Variants in ITGA4 observed in about 807,000 individuals in gnomAD.
ITGA4 encodes integrin alpha-4.
ITGA4 carries 63 observed loss-of-function variants against 133.6 expected under a neutral mutation model. The ratio of observed to expected loss-of-function variants is 0.47; its 90% CI spans 0.38 to 0.58. ITGA4 has a LOEUF of 0.58. Ranked by LOEUF, ITGA4 falls within the 20% of genes least tolerant of loss-of-function variation. ITGA4 has a pLI of 0.00. For synonymous variants in ITGA4, 483 were observed against 438.0 expected (o/e 1.10, Z -1.28); for missense variants, 1,076 against 1,252.7 (o/e 0.86, Z 2.13).
chr2:181,532,633 T>C (rs1686967180), intron 25 of ITGA4, among the ~76,000 whole-genome samples: 1 of 152,184 alleles, frequency 6.6e-6, no homozygotes, highest in South Asian at 2.1e-4. Context: ...CTTATAAGCT[T>C]AAGGAGTTTT....
chr2:181,494,659 C>A, intron 11 of ITGA4, 63 bp from the exon 12 acceptor site: 2 of 847,782 alleles, frequency 2.4e-6, no homozygotes, highest in South Asian at 2.7e-5. Flanking sequence ...TTAGCTAAAT[C>A]ATTGCTTCTC....
In ITGA4 at chr2:181,537,823, G is replaced by A. The variant is rs1559064942; in HGVS notation, c.*2296G>A. ...ACTTTTAAAGCCCTAGAGGCTAATT[G>A]TTAGTAACATCAATTTCTATTAGGA... On this transcript the variant is annotated 3_prime_UTR_variant, in exon 28 of 28. Coordinates refer to ENST00000397033, the MANE Select transcript of ITGA4 (RefSeq NM_000885.6). 4.2e-6 allele frequency: 2 copies of A among 478,866 alleles called. No homozygotes were observed. The highest frequency in any genetic ancestry group is 8.2e-6 in the Non-Finnish European group (2 of 243,604). The allele number at this position is 478,866 out of a possible 1,614,324, so 29.7% of individuals were successfully genotyped here.
Position 181,531,763 on chromosome 2 carries a change from C to A in ITGA4, c.2771C>A (p.Ser924Tyr). The A allele has an allele frequency of 6.3e-7, 1 of 1,596,792 alleles. No individual in the cohort carries two copies. The highest frequency in any genetic ancestry group is 8.5e-7 in the Non-Finnish European group (1 of 1,173,884). ...CATATCCAACTGGAAGGCCGGCCAT[C>A]CATTTTAGAAATGGTAAGTAAGTCT... is the stretch of plus-strand genomic sequence containing the variant. ...SVHIQLEGRP[S>Y]ILEMDETSAL... is the part of the protein sequence containing the mutation. The change falls in exon 25 of 28, where the codon TCC becomes TAC. Residue 924 changes from serine (S) to tyrosine (Y), a missense_variant. By Grantham distance (144) the Ser-to-Tyr change is moderately radical (BLOSUM62 -2). This residue lies in a region of ITGA4 where 193 missense variants were observed against 172.3 expected (regional missense o/e 1.12). Coordinates refer to ENST00000397033, the MANE Select transcript of ITGA4 (RefSeq NM_000885.6).
At chr2:181,534,458 G>A in intron 26 of ITGA4, 88 bp downstream of exon 26, 1 of 837,422 alleles carries the variant, frequency 1.2e-6, no homozygotes. Context: ...GAGTAACTGA[G>A]TTGGGAAAGT....
At chr2:181,519,476 GGAA>G (rs937918427) in intron 17 of ITGA4, among the ~76,000 whole-genome samples, 6 of 151,838 alleles carry the variant, frequency 4.0e-5, no homozygotes, top group East Asian at 1.9e-4. Context: ...GAAAAAAAGA[GGAA>G]GAATTTTCTA....
intron 15 of ITGA4, among the ~76,000 whole-genome samples, chr2:181,507,932 GCTTA>G (rs756584519): frequency 3.4e-4 from 52 of 152,086 alleles, no homozygotes; most frequent in Non-Finnish European, 5.3e-4. Context: ...CTAGTGAAGT[GCTTA>G]CTTAATCGAA....
At chr2:181,472,826 G>A (rs577272594) in intron 2 of ITGA4, among the ~76,000 whole-genome samples, 22 of 151,044 alleles carry the variant, frequency 1.5e-4, no homozygotes, top group East Asian at 3.9e-4. Flanking sequence ...TTCTCTTTTC[G>A]TGTCATTTCT....
chr2:181,495,971 G>C lies in ITGA4; in HGVS notation c.1540+34G>C, dbSNP rs765417613. On this transcript the variant is annotated intron_variant, in intron 14 of 27. Coordinates refer to ENST00000397033, the MANE Select transcript of ITGA4 (RefSeq NM_000885.6). This position sits in a 1 kb window ranked among gnomAD's most constrained non-coding sequence, Gnocchi z 4.3. ...GCCCTACAATATTAATGCTTGATGG[G>C]GTGCGGTTCATTCATTAATCCCACA... is the stretch of plus-strand genomic sequence containing the variant. 1 of 1,600,564 alleles carries C rather than the reference G, an allele frequency of 6.2e-7. No individual in the cohort carries two copies. Among genetic ancestry groups the C allele is most frequent in the Non-Finnish European group, 8.5e-7 (1 of 1,171,958 alleles).
At chr2:181,494,366 G>T (rs1686117502) in intron 11 of ITGA4, among the ~76,000 whole-genome samples, 1 of 152,182 alleles carries the variant, frequency 6.6e-6, no homozygotes, top group Non-Finnish European at 1.5e-5. Flanking sequence ...CAGCTACTCA[G>T]GAGGCTGAGC....
intron 2 of ITGA4, among the ~76,000 whole-genome samples, chr2:181,467,901 G>A (rs1184095902): frequency 6.6e-6 from 1 of 152,154 alleles, no homozygotes; most frequent in African/African-American, 2.4e-5. Context: ...GCAATCCTCT[G>A]CTACTACTGT....
chr2:181,526,820 C>CTTTTTTTTTTTTTTT (rs1559056789), intron 21 of ITGA4, among the ~76,000 whole-genome samples: 1 of 27,852 alleles, frequency 3.6e-5, no homozygotes, highest in East Asian at 1.0e-3. Context: ...GAGCACATGG[C>CTTTTTTTTTTTTTTT]CTTTTTTTTT....
chr2:181,516,516 G>C lies in ITGA4; in HGVS notation c.1922+4741G>C, dbSNP rs145410720. 2.6e-5 allele frequency among the ~76,000 whole-genome samples: 4 copies of C among 152,060 alleles called. No homozygotes were observed. In the East Asian group the frequency reaches 7.8e-4, roughly 29 times the overall value. ...AAAGGGAAAAGAGCAAAAGTGCTTG[G>C]TCATCTTTAAGTTGCCCTTCCAGGA... is the stretch of plus-strand genomic sequence containing the variant. On this transcript the variant is annotated intron_variant, in intron 17 of 27. Transcript: ENST00000397033. This position sits in a 1 kb window ranked among gnomAD's most constrained non-coding sequence, Gnocchi z 4.0.
Position 181,523,382 on chromosome 2 carries a change from T to C in ITGA4, c.2074-55T>C. 2 of 1,039,856 alleles carry C rather than the reference T, an allele frequency of 1.9e-6. No homozygotes were observed. The highest frequency in any genetic ancestry group is 3.0e-6 in the Non-Finnish European group (2 of 660,864). 64.4% of individuals were successfully genotyped at this position (1,039,856 alleles called of 1,614,324 possible). A position where few individuals can be genotyped will look rare whatever the true frequency, so the allele number is the denominator to read the frequency against. The stretch of plus-strand genomic sequence containing the variant: ...TCAATAACCATCCTTAAACATATGT[T>C]ACAAACTTTTTATTTCCTTCCTGTC... On this transcript the variant is annotated intron_variant, in intron 18 of 27. Transcript: ENST00000397033. The surrounding 1 kb of genome is among the most constrained non-coding windows in gnomAD (Gnocchi z 4.2).
intron 22 of ITGA4, among the ~76,000 whole-genome samples, chr2:181,529,251 TTA>T (rs3835961): frequency 0.33 from 50,077 of 151,984 alleles, 8,801 homozygotes; most frequent in South Asian, 0.64. Context: ...TATATATTGT[TTA>T]TGTCTCCTAA....
At chr2:181,496,406 TG>T (rs1308938570) in intron 14 of ITGA4, among the ~76,000 whole-genome samples, 1 of 151,846 alleles carries the variant, frequency 6.6e-6, no homozygotes, top group Non-Finnish European at 1.5e-5. Context: ...GCCCGGGCAA[TG>T]GAATGAGACC....
chr2:181,518,833 T>TG (rs1686662810), intron 17 of ITGA4, among the ~76,000 whole-genome samples: 1 of 152,058 alleles, frequency 6.6e-6, no homozygotes, highest in Admixed American at 6.6e-5. Flanking sequence ...TTAAAAATAG[T>TG]GCCTGATAGT....
At chr2:181,460,059 A>G (rs1201107140) in intron 2 of ITGA4, among the ~76,000 whole-genome samples, 8 of 152,252 alleles carry the variant, frequency 5.3e-5, no homozygotes, top group Non-Finnish European at 7.3e-5. Context: ...TATGAATTAA[A>G]TGAAGATCTT....
At chr2:181,498,807 A>G in intron 15 of ITGA4, 30 bp downstream of exon 15, 1 of 1,560,654 alleles carries the variant, frequency 6.4e-7, no homozygotes, top group Non-Finnish European at 8.7e-7. Flanking sequence ...ATTAATGAAT[A>G]TGTGAACTTC....
chr2:181,503,506 A>G (rs1446721926), intron 15 of ITGA4, among the ~76,000 whole-genome samples: 2 of 150,896 alleles, frequency 1.3e-5, no homozygotes, highest in African/African-American at 4.9e-5. Context: ...ACACAGGATT[A>G]CTTTGCTTAA....
Sources: allele counts gnomAD v4.1 joint callset (sites outside exome capture counted in the v4.1 genomes callset), GRCh38; gene constraint gnomAD v4.1.1; regional missense constraint gnomAD v4.1.1; non-coding constraint Gnocchi (gnomAD v3.1); transcripts MANE v1.5; gene names NCBI Gene and HGNC (gene_info 2026-07-23, HGNC 2026-07-21).